The following FER1L6 variants were observed in gnomAD, a reference collection of about 807,000 sequenced individuals.
FER1L6 encodes the protein fer-1-like protein 6.
Under a neutral mutation model 219.2 loss-of-function variants are expected in FER1L6, and 177 were observed. The ratio of observed to expected loss-of-function variants is 0.81; its 90% CI spans 0.71 to 0.91. The LOEUF (loss-of-function observed/expected upper bound fraction) is 0.91. Among genes scored for constraint, FER1L6 ranks in the 40% least tolerant of loss-of-function variants. The probability of loss-of-function intolerance (pLI) is 0.00; values close to 1 mark genes in which losing one functional copy is unlikely to be tolerated. For missense variants in FER1L6, 2,153 were observed against 2,259.9 expected (o/e 0.95, Z 0.96); for synonymous variants, 768 against 824.3 (o/e 0.93, Z 1.17).
In FER1L6 at chr8:124,111,323, C is replaced by T. The variant is rs1425133165; in HGVS notation, c.5290-7521C>T. 6.6e-6 allele frequency among the ~76,000 whole-genome samples: 1 copy of T among 152,172 alleles called. No individual in the cohort carries two copies. Among genetic ancestry groups the T allele is most frequent in the Non-Finnish European group, 1.5e-5 (1 of 68,034 alleles). On this transcript the variant is annotated intron_variant, in intron 39 of 40. Coordinates refer to ENST00000522917, the MANE Select transcript of FER1L6 (RefSeq NM_001039112.2). The surrounding 1 kb of genome is among the most constrained non-coding windows in gnomAD (Gnocchi z 5.0). ...TTCATCTTCATGCATACCAGTGGCC[C>T]ATGGTCAGAGCCTTGGCTGAGCAGC... is the stretch of plus-strand genomic sequence containing the variant.
intron 12 of FER1L6, among the ~76,000 whole-genome samples, chr8:123,996,510 T>C (rs1437626605): frequency 6.6e-6 from 1 of 152,088 alleles, no homozygotes; most frequent in African/African-American, 2.4e-5. Context: ...TCTCAGTCTC[T>C]ATGTGTATTT....
chr8:123,976,084 G>A lies in FER1L6; in HGVS notation c.870G>A (p.Met290Ile). The change falls in exon 9 of 41, where the codon ATG becomes ATA. Residue 290 changes from methionine to isoleucine, a missense_variant and splice_region_variant. Coordinates refer to ENST00000522917, the MANE Select transcript of FER1L6 (RefSeq NM_001039112.2). ...PFVEVSFAGQ[M>I]GRTTVQKNCA... The stretch of plus-strand genomic sequence containing the variant: ...TGGAGGTCTCCTTTGCTGGGCAGAT[G>A]GTGAGGAACCATTGTCACTAACACT... 1 of 1,608,744 alleles carries A rather than the reference G, an allele frequency of 6.2e-7. No individual in the cohort carries two copies. The highest frequency in any genetic ancestry group is 1.1e-5 in the South Asian group (1 of 89,864).
chr8:123,980,791 T>G lies in FER1L6; in HGVS notation c.1390T>G (p.Ser464Ala), dbSNP rs78034602. 1 of 1,613,800 alleles carries G rather than the reference T, an allele frequency of 6.2e-7. No homozygotes were observed. The highest frequency in any genetic ancestry group is 2.2e-5 in the East Asian group (1 of 44,884). The stretch of plus-strand genomic sequence containing the variant: ...TAACTCAACCGAGGTGGAGGTGGAA[T>G]CGTTCGATGTCCCCCCGGAGGTAGG... ...KTNSTEVEVE[S>A]FDVPPEIVPE... is the part of the protein sequence containing the mutation. Residue 464 changes from serine to alanine, a missense_variant, in exon 11 of 41, where the codon TCG becomes GCG. Physicochemically the swap from Ser to Ala is moderately conservative, Grantham distance 99 (BLOSUM62 1). Coordinates refer to ENST00000522917, the MANE Select transcript of FER1L6 (RefSeq NM_001039112.2).
chr8:123,879,617 G>T (rs1316870077), intron 1 of FER1L6, among the ~76,000 whole-genome samples: 1 of 152,080 alleles, frequency 6.6e-6, no homozygotes, highest in African/African-American at 2.4e-5. Context: ...GAACCACCGT[G>T]CCTGGCCGGA....
At chr8:123,898,801 A>ACATATATACGTATG (rs1812804678) in intron 1 of FER1L6, among the ~76,000 whole-genome samples, 1 of 70,132 alleles carries the variant, frequency 1.4e-5, no homozygotes, top group Non-Finnish European at 3.9e-5. Flanking sequence ...ATATACATAT[A>ACATATATACGTATG]TACACATATA....
rs893616089 is a variant in FER1L6 at position 123,954,449 on chromosome 8, A to G, written c.-7-1543A>G. ...CCTTATCTGAATTAAAAAAAGCAGG[A>G]CATACATTGAATAAGTGAGCAAATA... On this transcript the variant is annotated intron_variant, in intron 1 of 40. Transcript: ENST00000522917. Among the ~76,000 whole-genome samples, 28 of 152,196 alleles carry G rather than the reference A, an allele frequency of 1.8e-4. 1 individual carries two copies. The highest frequency in any genetic ancestry group is 1.4e-3 in the Admixed American group (22 of 15,286).
chr8:124,036,784 C>T (rs1008345224), intron 19 of FER1L6, among the ~76,000 whole-genome samples: 1 of 152,196 alleles, frequency 6.6e-6, no homozygotes, highest in African/African-American at 2.4e-5. Context: ...GCTTTCTGAT[C>T]CTCTGCAGTG....
rs1822620607 is a variant in FER1L6, at chr8:124,103,239, C to A, written c.5219C>A (p.Thr1740Asn). The A allele has an allele frequency of 2.5e-6, 4 of 1,613,962 alleles. No homozygotes were observed. The Admixed American group carries it at 6.7e-5, about 27-fold the overall frequency. Residue 1740 changes from threonine (T) to asparagine (N), a missense_variant, in exon 39 of 41, where the codon ACC becomes AAC. Coordinates refer to ENST00000522917, the MANE Select transcript of FER1L6 (RefSeq NM_001039112.2). ...LAKFENASEE[T>N]KISIFQQKRV... ...AAGTTTGAAAATGCAAGTGAGGAGACCAAGATCTCTATATTCCAGCAAAAA... is the reference window on the plus strand; with the variant it reads ...AAGTTTGAAAATGCAAGTGAGGAGAACAAGATCTCTATATTCCAGCAAAAA...
chr8:124,051,177 A>G (rs1351023333), intron 22 of FER1L6, among the ~76,000 whole-genome samples: 1 of 152,216 alleles, frequency 6.6e-6, no homozygotes, highest in Non-Finnish European at 1.5e-5. Context: ...TGAAGATACC[A>G]GTCATGCCAG....
chr8:123,890,403 C>T (rs1398753726), intron 1 of FER1L6, among the ~76,000 whole-genome samples: 1 of 151,684 alleles, frequency 6.6e-6, no homozygotes, highest in Admixed American at 6.6e-5. Context: ...TTTTAATTTT[C>T]ATTCATTTGC....
rs750136851 is a variant in FER1L6, at chr8:124,064,417, TC to T, written c.3400del (p.His1134ThrfsTer41). The T allele has an allele frequency of 2.0e-5, 33 of 1,613,688 alleles. No homozygotes were observed. In the Middle Eastern group the frequency reaches 9.9e-4, roughly 48 times the overall value. On this transcript the variant is annotated frameshift_variant, in exon 26 of 41. Transcript: ENST00000522917. LOFTEE classifies it high-confidence loss of function. The part of the protein sequence containing the change: ...HSSSQDPPAD[H>X]IYVDVEPPPT... Reference sequence around the variant, plus strand: ...GCTCCTCCCAGGATCCCCCAGCAGATCACATTTATGTGGATGTTGAGCCACC... The same window carrying T: ...GCTCCTCCCAGGATCCCCCAGCAGATACATTTATGTGGATGTTGAGCCACC...
intron 1 of FER1L6, among the ~76,000 whole-genome samples, chr8:123,874,957 G>A (rs1266474089): frequency 6.6e-6 from 1 of 152,122 alleles, no homozygotes; most frequent in Non-Finnish European, 1.5e-5. Context: ...AGCACTTTGG[G>A]AGGCTGATGG....
intron 16 of FER1L6, 45 bp from the exon 17 acceptor site, chr8:124,021,505 T>C (rs1291446502): frequency 6.2e-7 from 1 of 1,607,886 alleles, no homozygotes; most frequent in Non-Finnish European, 8.5e-7. Flanking sequence ...CTGCTTGTTG[T>C]CCAGATCTCT....
chr8:124,003,451 CTTTTTTTT>C (rs71289633), intron 13 of FER1L6, 104 bp downstream of exon 13: 52 of 111,738 alleles, frequency 4.7e-4, no homozygotes, highest in East Asian at 3.6e-3. Flanking sequence ...CAGAAATGTC[CTTTTTTTT>C]TTTTTTTTTT....
At chr8:124,055,494 G>GCAAT (rs1253338286) in intron 22 of FER1L6, among the ~76,000 whole-genome samples, 2 of 152,124 alleles carry the variant, frequency 1.3e-5, no homozygotes, top group African/African-American at 4.8e-5. Flanking sequence ...GTCCCCTTCT[G>GCAAT]CAATCAGAAC....
intron 39 of FER1L6, among the ~76,000 whole-genome samples, chr8:124,110,830 T>C (rs868553825): frequency 6.6e-6 from 1 of 152,244 alleles, no homozygotes; most frequent in Non-Finnish European, 1.5e-5. Context: ...CAAATCTTTA[T>C]GCCACCTGCC....
chr8:123,853,985 T>C lies in FER1L6; in HGVS notation c.-8+1800T>C, dbSNP rs1203647820. On this transcript the variant is annotated intron_variant, in intron 1 of 40. Coordinates refer to ENST00000522917, the MANE Select transcript of FER1L6 (RefSeq NM_001039112.2). The surrounding 1 kb of genome is among the most constrained non-coding windows in gnomAD (Gnocchi z 6.6). ...GCTCTCAGGGAAGCATCAGGGACCGTGATTAGAAAGTTTACGTCTGAGTGC... is the reference window on the plus strand; with the variant it reads ...GCTCTCAGGGAAGCATCAGGGACCGCGATTAGAAAGTTTACGTCTGAGTGC... Among the ~76,000 whole-genome samples the C allele has an allele frequency of 6.6e-6, 1 of 152,054 alleles. No individual in the cohort carries two copies. The highest frequency in any genetic ancestry group is 2.4e-5 in the African/African-American group (1 of 41,392).
chr8:124,087,205 AG>A, intron 33 of FER1L6, among the ~76,000 whole-genome samples: 1 of 152,012 alleles, frequency 6.6e-6, no homozygotes, highest in Non-Finnish European at 1.5e-5. Flanking sequence ...CTTTAAGGCC[AG>A]TAACTCTTAG....
intron 18 of FER1L6, among the ~76,000 whole-genome samples, chr8:124,032,064 C>T (rs543590508): frequency 3.5e-4 from 53 of 152,172 alleles, no homozygotes; most frequent in Admixed American, 3.3e-4. Flanking sequence ...AGTTTAAACA[C>T]CCATTTATTG....
Sources: gnomAD v4.1 joint callset for allele counts (sites outside exome capture counted in the v4.1 genomes callset) on GRCh38, gnomAD v4.1.1 for gene constraint, Gnocchi (gnomAD v3.1) non-coding constraint, MANE v1.5 for transcripts, NCBI Gene and HGNC (gene_info 2026-07-23, HGNC 2026-07-21) for gene names.